The following PTPRD variants were observed in gnomAD, a reference collection of about 807,000 sequenced individuals.
PTPRD encodes receptor-type tyrosine-protein phosphatase delta.
Under a neutral mutation model 214.5 loss-of-function variants are expected in PTPRD, and 34 were observed. The observed-to-expected ratio is 0.16, with a 90% CI of 0.12 to 0.21. The LOEUF (loss-of-function observed/expected upper bound fraction) is 0.21. Among genes scored for constraint, PTPRD ranks in the 10% least tolerant of loss-of-function variants. The pLI is 1.00. For missense variants in PTPRD, 2,545 were observed against 2,398.7 expected, an observed-to-expected ratio of 1.06 and a Z score of -1.27; for synonymous variants, 1,128 against 845.7, an observed-to-expected ratio of 1.33 and a Z score of -5.79.
At chr9:9,983,982 A>G (rs2095626171) in intron 4 of PTPRD, among the ~76,000 whole-genome samples, 1 of 152,132 alleles carries the variant, frequency 6.6e-6, no homozygotes, top group African/African-American at 2.4e-5. Context: ...TTCCTTTGTC[A>G]ACCTGTAATT....
chr9:8,958,055 T>C (rs2099140722), intron 11 of PTPRD, among the ~76,000 whole-genome samples: 1 of 151,904 alleles, frequency 6.6e-6, no homozygotes, highest in South Asian at 2.1e-4. Context: ...TAATCATTTG[T>C]TCTGTAAATG....
At chr9:9,611,332 AC>A (rs531800609) in intron 7 of PTPRD, among the ~76,000 whole-genome samples, 172 of 152,292 alleles carry the variant, frequency 1.1e-3, no homozygotes, top group Admixed American at 9.0e-3. Context: ...ACATATCTCC[AC>A]CAGCAGTGAA....
rs1304064822 is a variant in PTPRD at position 9,781,936 on chromosome 9, G to A, written c.-367-15085C>T. On this transcript the variant is annotated intron_variant, in intron 5 of 45. Transcript: ENST00000381196. ...GCCTCCCAAGTAGCTGGGACTACAG[G>A]CGCCCACTACCACGCCCGGCTAATT... is the stretch of plus-strand genomic sequence containing the variant. Among the ~76,000 whole-genome samples, 3 of 152,042 alleles carry A rather than the reference G, an allele frequency of 2.0e-5. No homozygotes were observed. In the South Asian group the frequency reaches 6.2e-4, roughly 31 times the overall value.
chr9:9,410,915 G>C (rs969894809), intron 8 of PTPRD, among the ~76,000 whole-genome samples: 2 of 152,148 alleles, frequency 1.3e-5, no homozygotes, highest in Non-Finnish European at 2.9e-5. Flanking sequence ...TAAACTGACT[G>C]GGTGATGTTC....
chr9:8,837,658 C>T (rs1458931612), intron 11 of PTPRD, among the ~76,000 whole-genome samples: 2 of 151,898 alleles, frequency 1.3e-5, no homozygotes, highest in Non-Finnish European at 2.9e-5. Context: ...CACCATGCCT[C>T]GCTAAACTTT....
chr9:8,854,136 C>T (rs568759254), intron 11 of PTPRD, among the ~76,000 whole-genome samples: 13 of 152,176 alleles, frequency 8.5e-5, no homozygotes, highest in African/African-American at 2.4e-4. Flanking sequence ...AGTTTATTTT[C>T]GAGATTCCTA....
chr9:9,610,717 T>C (rs1408527277), intron 7 of PTPRD, among the ~76,000 whole-genome samples: 2 of 152,192 alleles, frequency 1.3e-5, no homozygotes, highest in Non-Finnish European at 2.9e-5. Flanking sequence ...ACTAGTATAA[T>C]TATTGTTCTG....
At chr9:9,749,796 G>A (rs979461359) in intron 6 of PTPRD, among the ~76,000 whole-genome samples, 2 of 152,132 alleles carry the variant, frequency 1.3e-5, no homozygotes, top group East Asian at 1.9e-4. Flanking sequence ...ACAACTCTCA[G>A]GTTAGTCACG....
intron 10 of PTPRD, among the ~76,000 whole-genome samples, chr9:9,132,786 A>G (rs954478128): frequency 1.3e-5 from 2 of 152,226 alleles, no homozygotes; most frequent in African/African-American, 4.8e-5. Context: ...AATGGACTAC[A>G]CAACACTAAT....
chr9:10,062,457 A>G (rs755619123), intron 3 of PTPRD, among the ~76,000 whole-genome samples: 24 of 151,844 alleles, frequency 1.6e-4, no homozygotes, highest in Admixed American at 5.9e-4. Context: ...AATACAAAAA[A>G]TAGCTGGGCG....
intron 35 of PTPRD, among the ~76,000 whole-genome samples, chr9:8,422,147 CAAAAAAAAA>C (rs768623202): frequency 2.4e-4 from 8 of 33,980 alleles, no homozygotes; most frequent in East Asian, 1.2e-3. Context: ...ACCCTGTCTC[CAAAAAAAAA>C]AAAAAAAAAA....
At chr9:10,158,947 T>TA (rs2099110514) in intron 3 of PTPRD, among the ~76,000 whole-genome samples, 1 of 152,100 alleles carries the variant, frequency 6.6e-6, no homozygotes, top group Non-Finnish European at 1.5e-5. Flanking sequence ...GCTCTATAAC[T>TA]CTTTCAAAGG....
intron 11 of PTPRD, among the ~76,000 whole-genome samples, chr9:8,969,093 C>T (rs2099219378): frequency 6.6e-6 from 1 of 152,076 alleles, no homozygotes; most frequent in South Asian, 2.1e-4. Flanking sequence ...ACTCCTCCTC[C>T]TCATCCCATT....
At chr9:9,205,805 A>T (rs2099944510) in intron 9 of PTPRD, among the ~76,000 whole-genome samples, 2 of 152,184 alleles carry the variant, frequency 1.3e-5, no homozygotes, top group Non-Finnish European at 2.9e-5. Flanking sequence ...GCCCTAGAAG[A>T]TTGTACATGC....
At chr9:9,836,130 A>C (rs1460382029) in intron 5 of PTPRD, among the ~76,000 whole-genome samples, 1 of 152,180 alleles carries the variant, frequency 6.6e-6, no homozygotes, top group Non-Finnish European at 1.5e-5. Context: ...GGTTTGGACA[A>C]ATGTTTAAGG....
At chr9:9,704,221 C>T (rs996573939) in intron 7 of PTPRD, among the ~76,000 whole-genome samples, 2 of 152,072 alleles carry the variant, frequency 1.3e-5, no homozygotes, top group Non-Finnish European at 2.9e-5. Flanking sequence ...GAACTATTGT[C>T]TGTGATATTG....
intron 12 of PTPRD, among the ~76,000 whole-genome samples, chr9:8,697,498 C>T (rs2097946546): frequency 7.0e-6 from 1 of 142,772 alleles, no homozygotes; most frequent in Non-Finnish European, 1.5e-5. Context: ...TCTTGGCTCA[C>T]TGCAATCCCC....
chr9:10,424,280 G>A (rs1398106845), intron 2 of PTPRD, among the ~76,000 whole-genome samples: 1 of 151,254 alleles, frequency 6.6e-6, no homozygotes. Context: ...AATCAAAATG[G>A]CCATAAATAA....
chr9:9,039,981 ATT>A (rs3046926), intron 10 of PTPRD, among the ~76,000 whole-genome samples: 2 of 149,388 alleles, frequency 1.3e-5, no homozygotes, highest in South Asian at 2.1e-4. Context: ...CTTCCTGTGC[ATT>A]TTTTTTTTTC....
Sources: allele counts gnomAD v4.1 joint callset (sites outside exome capture counted in the v4.1 genomes callset), GRCh38; gene constraint gnomAD v4.1.1; transcripts MANE v1.5; gene names NCBI Gene and HGNC (gene_info 2026-07-23, HGNC 2026-07-21).